PCDH9: variants seen among roughly 807,000 people sequenced by gnomAD.
PCDH9 encodes the protein protocadherin-9.
PCDH9 carries 24 observed loss-of-function variants against 70.6 expected under a neutral mutation model. That is an observed-to-expected ratio of 0.34 (90% CI 0.25 to 0.48). The LOEUF is 0.48. Ranked by LOEUF, PCDH9 falls within the 20% of genes least tolerant of loss-of-function variation. The pLI is 0.99. For synonymous variants in PCDH9, 562 were observed against 558.5 expected (o/e 1.01, Z -0.09); for missense variants, 1,281 against 1,503.6 (o/e 0.85, Z 2.45).
At chr13:66,416,590 A>G (rs1330479260) in intron 4 of PCDH9, among the ~76,000 whole-genome samples, 1 of 152,188 alleles carries the variant, frequency 6.6e-6, no homozygotes, top group African/African-American at 2.4e-5. Context: ...AGTTTGCCCA[A>G]TTTGACAAGC....
intron 3 of PCDH9, among the ~76,000 whole-genome samples, chr13:66,787,567 G>C (rs181960339): frequency 2.6e-5 from 4 of 151,860 alleles, no homozygotes; most frequent in African/African-American, 2.4e-5. Flanking sequence ...AGTGAGCTGA[G>C]ATCACACCAC....
At chr13:66,346,744 C>T (rs573521240) in intron 4 of PCDH9, among the ~76,000 whole-genome samples, 6 of 152,306 alleles carry the variant, frequency 3.9e-5, no homozygotes, top group African/African-American at 7.2e-5. Context: ...AGCACTGGCT[C>T]TTTCTCTAAC....
intron 3 of PCDH9, among the ~76,000 whole-genome samples, chr13:66,872,457 G>A (rs2081711694): frequency 1.3e-5 from 2 of 152,000 alleles, no homozygotes; most frequent in South Asian, 4.1e-4. Context: ...ATAATGTTTA[G>A]AGAAGCATTA....
chr13:67,174,090 T>C (rs531473520), intron 2 of PCDH9, among the ~76,000 whole-genome samples: 1 of 152,300 alleles, frequency 6.6e-6, no homozygotes, highest in African/African-American at 2.4e-5. Flanking sequence ...ATAGACAGTA[T>C]GGTTGGCATA....
rs138825919 is a variant in PCDH9, at chr13:66,959,077, T to C, written c.3037-55472A>G. On this transcript the variant is annotated intron_variant, in intron 2 of 4. Transcript: ENST00000377865. ...GTACATACATTAATGTAAGAGCCTA[T>C]GTGGGTTAATATAATTTTAAATAAC... Among the ~76,000 whole-genome samples, 40 of 152,314 alleles carry C rather than the reference T, an allele frequency of 2.6e-4. No individual in the cohort carries two copies. In the East Asian group the frequency reaches 7.1e-3, roughly 27 times the overall value.
intron 4 of PCDH9, among the ~76,000 whole-genome samples, chr13:66,412,149 A>G (rs1259378613): frequency 6.6e-6 from 1 of 152,182 alleles, no homozygotes; most frequent in Non-Finnish European, 1.5e-5. Flanking sequence ...TGAATATTAT[A>G]GAAAATTTTC....
chr13:67,050,605 A>G (rs1308189636), intron 2 of PCDH9, among the ~76,000 whole-genome samples: 5 of 152,198 alleles, frequency 3.3e-5, no homozygotes, highest in Non-Finnish European at 5.9e-5. Context: ...TTATTGTACA[A>G]AGCACTTCTA....
At chr13:66,768,509 C>G (rs535575367) in intron 3 of PCDH9, among the ~76,000 whole-genome samples, 6 of 151,896 alleles carry the variant, frequency 4.0e-5, no homozygotes, top group Non-Finnish European at 8.8e-5. Flanking sequence ...AAAGGGAATT[C>G]TACTCCTATA....
At chr13:66,974,578 A>T (rs1317771860) in intron 2 of PCDH9, among the ~76,000 whole-genome samples, 1 of 151,918 alleles carries the variant, frequency 6.6e-6, no homozygotes, top group African/African-American at 2.4e-5. Context: ...TTCCCATACT[A>T]CAGTTATGTA....
chr13:66,993,376 T>C (rs1216697826), intron 2 of PCDH9, among the ~76,000 whole-genome samples: 1 of 152,172 alleles, frequency 6.6e-6, no homozygotes, highest in East Asian at 1.9e-4. Flanking sequence ...ATTTGCTGCT[T>C]GTAAGAGTAA....
At chr13:67,184,944 A>G (rs1382126313) in intron 2 of PCDH9, among the ~76,000 whole-genome samples, 1 of 152,150 alleles carries the variant, frequency 6.6e-6, no homozygotes, top group Non-Finnish European at 1.5e-5. Flanking sequence ...GTTGACTGCG[A>G]TAACTTCTTT....
intron 3 of PCDH9, among the ~76,000 whole-genome samples, chr13:66,878,454 T>C (rs958988223): frequency 6.6e-6 from 1 of 152,126 alleles, no homozygotes; most frequent in Non-Finnish European, 1.5e-5. Context: ...CTGGAACTCC[T>C]GAACTCAGGT....
At chr13:66,492,407 C>A (rs370090327) in intron 4 of PCDH9, among the ~76,000 whole-genome samples, 2 of 149,244 alleles carry the variant, frequency 1.3e-5, no homozygotes, top group East Asian at 3.9e-4. Flanking sequence ...GGTACACACA[C>A]ACACATATAT....
intron 2 of PCDH9, among the ~76,000 whole-genome samples, chr13:66,990,007 T>G (rs1234563299): frequency 6.6e-6 from 1 of 151,924 alleles, no homozygotes; most frequent in Non-Finnish European, 1.5e-5. Context: ...CATAGCAGTA[T>G]AATAAATGTA....
chr13:66,365,644 A>G lies in PCDH9; in HGVS notation c.3341-60616T>C, dbSNP rs74093064. ...AAATAGACTTATTAAGTTAAAAAGT[A>G]GAGAAAAGTTATCAAGAGGTATTTT... On this transcript the variant is annotated intron_variant, in intron 4 of 4. Transcript: ENST00000377865. Among the ~76,000 whole-genome samples, 653 of 152,334 alleles carry G rather than the reference A, an allele frequency of 4.3e-3. 7 individuals are homozygous for G. The highest frequency in any genetic ancestry group is 0.015 in the African/African-American group (630 of 41,574).
chr13:66,692,245 T>G (rs562736840), intron 3 of PCDH9, among the ~76,000 whole-genome samples: 66 of 152,138 alleles, frequency 4.3e-4, no homozygotes, highest in Non-Finnish European at 7.9e-4. Context: ...ATGTAAGTCA[T>G]GTTGAAATAT....
chr13:66,624,380 T>C (rs2077472073), intron 4 of PCDH9, among the ~76,000 whole-genome samples: 1 of 152,240 alleles, frequency 6.6e-6, no homozygotes, highest in Non-Finnish European at 1.5e-5. Flanking sequence ...AATCTTCCCC[T>C]GCAGTAAAAG....
chr13:66,553,068 GC>G (rs1348470582), intron 4 of PCDH9, among the ~76,000 whole-genome samples: 1 of 152,072 alleles, frequency 6.6e-6, no homozygotes, highest in African/African-American at 2.4e-5. Flanking sequence ...CTCTCACCTG[GC>G]CCCTCCTACA....
intron 4 of PCDH9, among the ~76,000 whole-genome samples, chr13:66,506,572 G>A (rs1959218038): frequency 6.6e-6 from 1 of 152,200 alleles, no homozygotes; most frequent in African/African-American, 2.4e-5. Context: ...TAAAGACACT[G>A]AGTGGGCTGG....
Sources: allele counts gnomAD v4.1 joint callset (sites outside exome capture counted in the v4.1 genomes callset), GRCh38; gene constraint gnomAD v4.1.1; transcripts MANE v1.5; gene names NCBI Gene and HGNC (gene_info 2026-07-23, HGNC 2026-07-21).